The following EPSTI1 variants were observed in gnomAD, a reference collection of about 807,000 sequenced individuals.
EPSTI1 encodes epithelial stromal interaction 1.
A neutral mutation model predicts 49.9 loss-of-function variants in EPSTI1; 66 were observed. The ratio of observed to expected loss-of-function variants is 1.32; its 90% CI spans 1.08 to 1.62. The LOEUF (loss-of-function observed/expected upper bound fraction) is 1.62. Among genes scored for constraint, EPSTI1 ranks in the 40% most tolerant of loss-of-function variants. The probability of loss-of-function intolerance (pLI) is 0.00; values close to 1 mark genes in which losing one functional copy is unlikely to be tolerated. For missense variants in EPSTI1, 394 were observed against 365.5 expected, an observed-to-expected ratio of 1.08 and a Z score of -0.64; for synonymous variants, 137 against 130.7, an observed-to-expected ratio of 1.05 and a Z score of -0.33.
chr13:42,895,928 G>A (rs1176447418), intron 9 of EPSTI1, among the ~76,000 whole-genome samples: 1 of 152,172 alleles, frequency 6.6e-6, no homozygotes, highest in African/African-American at 2.4e-5. Flanking sequence ...ATTTATGGAA[G>A]GAAGGGAGGC....
chr13:42,953,735 T>C (rs1047661584), intron 6 of EPSTI1, among the ~76,000 whole-genome samples: 2 of 152,238 alleles, frequency 1.3e-5, no homozygotes, highest in African/African-American at 4.8e-5. Context: ...GGGGAATTTC[T>C]CAAATTTAGT....
chr13:42,919,447 T>A, intron 7 of EPSTI1: 1 of 916,684 alleles, frequency 1.1e-6, no homozygotes, highest in South Asian at 1.4e-5. Flanking sequence ...AATATTCATT[T>A]AATACAATAC....
chr13:42,988,730 C>CA (rs66847581), intron 1 of EPSTI1, among the ~76,000 whole-genome samples: 2,160 of 105,592 alleles, frequency 0.02, 36 homozygotes, highest in African/African-American at 0.075. Context: ...GACTCTGTCT[C>CA]AAAAAAAAAA....
chr13:42,957,406 A>G lies in EPSTI1; in HGVS notation c.490-3385T>C, dbSNP rs185780967. On this transcript the variant is annotated intron_variant, in intron 5 of 10. Coordinates refer to ENST00000313624, the MANE Select transcript of EPSTI1 (RefSeq NM_033255.5). Reference sequence around the variant, plus strand: ...TAGATCCTTAAATGTGGAATTTTTCATCTAAGGAGAGGGGGCCTAGGCCCA... The same window carrying G: ...TAGATCCTTAAATGTGGAATTTTTCGTCTAAGGAGAGGGGGCCTAGGCCCA... Among the ~76,000 whole-genome samples the G allele has an allele frequency of 3.1e-3, 469 of 152,294 alleles. 7 individuals carry two copies. The highest frequency in any genetic ancestry group is 1.3e-3 in the Non-Finnish European group (86 of 68,008).
chr13:42,945,507 A>C (rs1294752679), intron 6 of EPSTI1, among the ~76,000 whole-genome samples: 4 of 152,206 alleles, frequency 2.6e-5, no homozygotes, highest in African/African-American at 9.6e-5. Context: ...GTGGCTAAGG[A>C]GTCTGGAATT....
chr13:42,913,803 C>G lies in EPSTI1; in HGVS notation c.741+3738G>C, dbSNP rs573906106. ...TTATGGTTTGGCTCTGTGTCCCCAG[C>G]CAAACCTCATGTTGAATTGTAATCC... On this transcript the variant is annotated intron_variant, in intron 8 of 10. Transcript: ENST00000313624. Among the ~76,000 whole-genome samples the G allele has an allele frequency of 3.9e-5, 6 of 152,344 alleles. No individual in the cohort carries two copies. The East Asian group carries it at 1.2e-3, about 29-fold the overall frequency.
At chr13:42,945,812 T>C (rs112011693) in intron 6 of EPSTI1, among the ~76,000 whole-genome samples, 33 of 152,192 alleles carry the variant, frequency 2.2e-4, no homozygotes, top group African/African-American at 7.9e-4. Flanking sequence ...TGATAGTGGG[T>C]AGAGATTGTG....
intron 1 of EPSTI1, among the ~76,000 whole-genome samples, chr13:42,981,162 C>A (rs538761234): frequency 2.6e-5 from 4 of 152,260 alleles, no homozygotes; most frequent in East Asian, 3.9e-4. Context: ...AACAAAGGAA[C>A]CATCATCAGC....
At chr13:42,919,151 A>T (rs994592594) in intron 7 of EPSTI1, 2 of 622,176 alleles carry the variant, frequency 3.2e-6, no homozygotes, top group Admixed American at 5.9e-5. Context: ...ATTAGAATAC[A>T]TGTCTTAGTT....
chr13:42,921,351 G>C (rs909825717), intron 7 of EPSTI1, among the ~76,000 whole-genome samples: 2 of 152,080 alleles, frequency 1.3e-5, no homozygotes, highest in African/African-American at 4.8e-5. Context: ...AAATTCTGGA[G>C]GAAAATTATT....
chr13:42,986,202 GTTC>G (rs2153436574), intron 1 of EPSTI1, among the ~76,000 whole-genome samples: 1 of 152,352 alleles, frequency 6.6e-6, no homozygotes, highest in South Asian at 2.1e-4. Flanking sequence ...CCCACTGTAA[GTTC>G]TTCTGAAGAC....
Position 42,992,002 on chromosome 13 carries a change from C to T in EPSTI1, c.164G>A (p.Ser55Asn). 1 of 1,613,416 alleles carries T rather than the reference C, an allele frequency of 6.2e-7. No individual in the cohort carries two copies. The highest frequency in any genetic ancestry group is 1.6e-4 in the Middle Eastern group (1 of 6,062). ...CCGCCTCTGGCCCGCGTGCACGACG[C>T]TCTCCCGCGAAGGGCCCTTAGGGGC... ...EAAPKGPSRE[S>N]VVHAGQRRTS... Residue 55 changes from serine to asparagine, a missense_variant, in exon 1 of 11, where the codon AGC becomes AAC. Physicochemically the swap from Ser to Asn is conservative, Grantham distance 46. Transcript: ENST00000313624.
chr13:42,893,053 A>G (rs1049646180), intron 10 of EPSTI1, among the ~76,000 whole-genome samples: 1 of 152,236 alleles, frequency 6.6e-6, no homozygotes, highest in African/African-American at 2.4e-5. Context: ...TTTAGTGACC[A>G]TGAAAAGAAC....
intron 8 of EPSTI1, among the ~76,000 whole-genome samples, chr13:42,908,088 C>A (rs1948263281): frequency 6.6e-6 from 1 of 152,192 alleles, no homozygotes; most frequent in Non-Finnish European, 1.5e-5. Context: ...ATACAAAAAA[C>A]AACTCAATTT....
intron 6 of EPSTI1, among the ~76,000 whole-genome samples, chr13:42,953,170 TAGTC>T (rs771466777): frequency 5.9e-5 from 9 of 151,794 alleles, no homozygotes; most frequent in East Asian, 3.9e-4. Flanking sequence ...GTGCCTGTAA[TAGTC>T]AGGCACTTTT....
At chr13:42,964,163 G>A (rs186747422) in intron 3 of EPSTI1, 24 bp from the exon 4 acceptor site, 3 of 1,600,374 alleles carry the variant, frequency 1.9e-6, no homozygotes, top group East Asian at 2.2e-5. Context: ...AATCCATGAA[G>A]GTGAAACATA....
chr13:42,943,366 T>A (rs998382310), intron 6 of EPSTI1, among the ~76,000 whole-genome samples: 2 of 152,226 alleles, frequency 1.3e-5, no homozygotes, highest in Non-Finnish European at 2.9e-5. Context: ...TCCTCTGCTG[T>A]CCTTGTTGGA....
At chr13:42,915,605 T>C (rs2037808761) in intron 8 of EPSTI1, among the ~76,000 whole-genome samples, 2 of 152,120 alleles carry the variant, frequency 1.3e-5, no homozygotes, top group Non-Finnish European at 2.9e-5. Context: ...GAAGCAAAAG[T>C]AAGGTAGAAT....
intron 10 of EPSTI1, among the ~76,000 whole-genome samples, chr13:42,889,420 C>T (rs2036964400): frequency 6.6e-6 from 1 of 152,150 alleles, no homozygotes; most frequent in East Asian, 1.9e-4. Context: ...TATGACATTT[C>T]AAGAAACCAC....
Sources: gnomAD v4.1 joint callset for allele counts (sites outside exome capture counted in the v4.1 genomes callset) on GRCh38, gnomAD v4.1.1 for gene constraint, MANE v1.5 for transcripts, NCBI Gene and HGNC (gene_info 2026-07-23, HGNC 2026-07-21) for gene names.